The following RELL1 variants were observed in gnomAD, a reference collection of about 807,000 sequenced individuals.
RELL1 encodes RELT-like protein 1.
Under a neutral mutation model 23.0 loss-of-function variants are expected in RELL1, and 10 were observed. The observed-to-expected ratio is 0.43, with a 90% CI of 0.27 to 0.74. The LOEUF is 0.74. Among genes scored for constraint, RELL1 ranks in the 30% least tolerant of loss-of-function variants. The pLI is 0.19. For missense variants in RELL1, 315 were observed against 364.4 expected, an observed-to-expected ratio of 0.86 and a Z score of 1.10; for synonymous variants, 146 against 146.8, an observed-to-expected ratio of 0.99 and a Z score of 0.04.
At chr4:37,626,325 A>G (rs924619367) in intron 6 of RELL1, among the ~76,000 whole-genome samples, 1 of 152,058 alleles carries the variant, frequency 6.6e-6, no homozygotes, top group African/African-American at 2.4e-5. Flanking sequence ...TAAAAATACA[A>G]AAGTTAGCCA....
chr4:37,614,976 G>A (rs1719528413), intron 6 of RELL1, among the ~76,000 whole-genome samples: 1 of 152,080 alleles, frequency 6.6e-6, no homozygotes, highest in Non-Finnish European at 1.5e-5. Flanking sequence ...TACAGGCTAA[G>A]CTAAAAAGGA....
At chr4:37,633,329 A>C (rs1720205883) in intron 5 of RELL1, among the ~76,000 whole-genome samples, 1 of 146,544 alleles carries the variant, frequency 6.8e-6, no homozygotes, top group Admixed American at 7.1e-5. Flanking sequence ...CAATCGTTTG[A>C]GCCCAGGAGG....
At chr4:37,609,052 A>C (rs754427233), downstream of RELL1, among the ~76,000 whole-genome samples, 2 of 152,250 alleles carry the variant, frequency 1.3e-5, no homozygotes, top group Non-Finnish European at 2.9e-5. Context: ...TCATGGATGA[A>C]GGTGGCTAAA....
At chr4:37,657,691 T>G (rs1403747905) in intron 1 of RELL1, among the ~76,000 whole-genome samples, 1 of 152,060 alleles carries the variant, frequency 6.6e-6, no homozygotes, top group African/African-American at 2.4e-5. Flanking sequence ...AATCCCAAGA[T>G]TTTGGGAGGG....
rs182404129 is a variant in RELL1 at position 37,660,980 on chromosome 4, G to A, written c.89-11480C>T. On this transcript the variant is annotated intron_variant, in intron 1 of 6. Coordinates refer to ENST00000454158, the MANE Select transcript of RELL1 (RefSeq NM_001085400.2). ...CGGGAGGCGGAGCTTGCAGTGAGCC[G>A]AGACTGTGCCACTGCACTCCAGCCT... Among the ~76,000 whole-genome samples, 1,284 of 151,518 alleles carry A rather than the reference G, an allele frequency of 8.5e-3. 14 individuals are homozygous for A. The highest frequency in any genetic ancestry group is 0.029 in the African/African-American group (1,178 of 41,332).
chr4:37,625,909 T>TAA (rs57957917), intron 6 of RELL1, among the ~76,000 whole-genome samples: 2 of 151,750 alleles, frequency 1.3e-5, no homozygotes, highest in African/African-American at 4.8e-5. Context: ...AATAAAATGT[T>TAA]AAAAAAATTG....
At chr4:37,673,564 T>C (rs1199853873) in intron 1 of RELL1, among the ~76,000 whole-genome samples, 2 of 152,224 alleles carry the variant, frequency 1.3e-5, no homozygotes, top group Non-Finnish European at 2.9e-5. Context: ...AAATTGTTTC[T>C]ATCTGCATAT....
downstream of RELL1, chr4:37,590,572 G>A (rs1219614865): frequency 3.7e-6 from 6 of 1,614,184 alleles, no homozygotes. Context: ...AGAAAGTTTT[G>A]CCTTGGAAGT....
At chr4:37,660,024 C>A (rs1252806884) in intron 1 of RELL1, among the ~76,000 whole-genome samples, 1 of 152,110 alleles carries the variant, frequency 6.6e-6, no homozygotes, top group Non-Finnish European at 1.5e-5. Flanking sequence ...AAGTGGATAA[C>A]CCACATCAAG....
At chr4:37,623,384 G>A (rs2109247065) in intron 6 of RELL1, 1 of 154,578 alleles carries the variant, frequency 6.5e-6, no homozygotes, top group South Asian at 2.0e-4. Context: ...GCCAAGAAAA[G>A]CAAAGCTCCC....
At chr4:37,651,564 C>G (rs1720939208) in intron 1 of RELL1, among the ~76,000 whole-genome samples, 1 of 152,214 alleles carries the variant, frequency 6.6e-6, no homozygotes, top group South Asian at 2.1e-4. Context: ...TTGAGAGTGG[C>G]AGGAGGCAGT....
chr4:37,677,402 A>G (rs1351412099), intron 1 of RELL1, among the ~76,000 whole-genome samples: 1 of 152,228 alleles, frequency 6.6e-6, no homozygotes. Flanking sequence ...CTAATACTAC[A>G]GGACTCTGCT....
intron 1 of RELL1, among the ~76,000 whole-genome samples, chr4:37,661,413 G>A (rs539341191): frequency 5.3e-5 from 8 of 152,126 alleles, no homozygotes; most frequent in Non-Finnish European, 8.8e-5. Flanking sequence ...CAGAGTATCT[G>A]GGATTACAGG....
intron 6 of RELL1, among the ~76,000 whole-genome samples, chr4:37,625,145 A>T (rs970861829): frequency 6.6e-6 from 1 of 152,228 alleles, no homozygotes; most frequent in Admixed American, 6.5e-5. Flanking sequence ...TTAATCACTG[A>T]AATAAATTAC....
chr4:37,605,834 AGAAAGAAAGAAG>A (rs1336382935), downstream of RELL1, among the ~76,000 whole-genome samples: 4 of 122,574 alleles, frequency 3.3e-5, no homozygotes, highest in African/African-American at 1.1e-4. Context: ...AAAGAAAGAA[AGAAAGAAAGAAG>A]GAAAAGAAAA....
At chr4:37,606,171 AAGG>A (rs1047695210), downstream of RELL1, among the ~76,000 whole-genome samples, 2 of 148,770 alleles carry the variant, frequency 1.3e-5, no homozygotes, top group African/African-American at 2.5e-5. The surrounding 1 kb of genome is among the most constrained non-coding windows in gnomAD (Gnocchi z 4.1). Flanking sequence ...GAAAGAAAAA[AAGG>A]AGAAAGAAGA....
chr4:37,588,786 CTT>C, downstream of RELL1: 1 of 1,270,268 alleles, frequency 7.9e-7, no homozygotes, highest in Non-Finnish European at 1.1e-6. Flanking sequence ...AAAAGGCAAA[CTT>C]AATTCCTACT....
intron 1 of RELL1, among the ~76,000 whole-genome samples, chr4:37,681,083 T>C (rs906794340): frequency 1.3e-5 from 2 of 152,160 alleles, no homozygotes; most frequent in African/African-American, 4.8e-5. Flanking sequence ...CAAAAATACC[T>C]AGTGCACTGT....
At chr4:37,669,106 C>G (rs1341651725) in intron 1 of RELL1, among the ~76,000 whole-genome samples, 1 of 115,432 alleles carries the variant, frequency 8.7e-6, no homozygotes, top group African/African-American at 4.6e-5. Context: ...AGGTGAGGGG[C>G]GCCTCTGCCC....
Sources: allele counts gnomAD v4.1 joint callset (sites outside exome capture counted in the v4.1 genomes callset), GRCh38; gene constraint gnomAD v4.1.1; non-coding constraint Gnocchi (gnomAD v3.1); transcripts MANE v1.5; gene names NCBI Gene and HGNC (gene_info 2026-07-23, HGNC 2026-07-21).